Variants in FBXO33 observed in about 807,000 individuals in gnomAD.
FBXO33 encodes F-box protein 33, also known as F-box only protein 33.
A neutral mutation model predicts 46.3 loss-of-function variants in FBXO33; 22 were observed. The ratio of observed to expected loss-of-function variants is 0.48; its 90% CI spans 0.34 to 0.68. The LOEUF (loss-of-function observed/expected upper bound fraction) is 0.68, where lower values mean the gene tolerates loss of function less well. Ranked by LOEUF, FBXO33 falls within the 30% of genes least tolerant of loss-of-function variation. FBXO33 has a pLI of 0.01. For synonymous variants in FBXO33, 337 were observed against 291.3 expected, an observed-to-expected ratio of 1.16 and a Z score of -1.60; for missense variants, 692 against 708.8, an observed-to-expected ratio of 0.98 and a Z score of 0.27.
chr14:39,400,365 G>A (rs889581109), intron 3 of FBXO33, among the ~76,000 whole-genome samples: 8 of 152,076 alleles, frequency 5.3e-5, no homozygotes, highest in Admixed American at 3.9e-4. Context: ...ATGAATACGG[G>A]GAGCTTTAGC....
intron 1 of FBXO33, among the ~76,000 whole-genome samples, chr14:39,404,221 C>A (rs1268406126): frequency 2.0e-5 from 3 of 152,134 alleles, no homozygotes; most frequent in South Asian, 2.1e-4. Context: ...ACTAGAGACA[C>A]AATAGTGATT....
Position 39,431,740 on chromosome 14 carries a change from A to G in FBXO33, c.423T>C (p.Val141=). The change falls in exon 1 of 4, where the codon GTT becomes GTC. Residue 141 remains valine (V), a synonymous_variant. Coordinates refer to ENST00000298097, the MANE Select transcript of FBXO33 (RefSeq NM_203301.4). ...KCGWFVRELR[V]EFAAENYLSG... is the part of the protein sequence containing the mutation. Reference sequence around the variant, plus strand: ...TCAGATAGTTCTCGGCGGCGAATTCAACACGCAGCTCTCGCACGAACCAGC... The same window carrying G: ...TCAGATAGTTCTCGGCGGCGAATTCGACACGCAGCTCTCGCACGAACCAGC... 1 of 1,613,084 alleles carries G rather than the reference A, an allele frequency of 6.2e-7. No individual in the cohort carries two copies. Among genetic ancestry groups the G allele is most frequent in the Non-Finnish European group, 8.5e-7 (1 of 1,179,972 alleles).
intron 1 of FBXO33, among the ~76,000 whole-genome samples, chr14:39,406,181 TAAAA>T (rs929453832): frequency 2.6e-5 from 4 of 151,660 alleles, no homozygotes; most frequent in Admixed American, 1.3e-4. Flanking sequence ...AAAAGAAAAA[TAAAA>T]AAAATTAAAG....
At chr14:39,410,307 T>G (rs2075416798) in intron 1 of FBXO33, among the ~76,000 whole-genome samples, 1 of 152,246 alleles carries the variant, frequency 6.6e-6, no homozygotes, top group South Asian at 2.1e-4. Context: ...AAGATTTTTA[T>G]CCATTCTGTT....
intron 3 of FBXO33, among the ~76,000 whole-genome samples, chr14:39,400,403 C>T (rs2075363294): frequency 6.6e-6 from 1 of 152,186 alleles, no homozygotes; most frequent in Admixed American, 6.5e-5. Flanking sequence ...TTTAAAAAGA[C>T]TGGCTTAAAT....
chr14:39,402,413 T>C lies in FBXO33; in HGVS notation c.698A>G (p.Lys233Arg), dbSNP rs1207950216. 3 of 1,565,852 alleles carry C rather than the reference T, an allele frequency of 1.9e-6. No homozygotes were observed. The highest frequency in any genetic ancestry group is 4.7e-5 in the East Asian group (2 of 42,790). The change falls in exon 2 of 4, where the codon AAA (lysine) becomes AGA (arginine). Residue 233 changes from lysine (K) to arginine (R), a missense_variant. By Grantham distance (26) the Lys-to-Arg change is conservative (BLOSUM62 2). Coordinates refer to ENST00000298097, the MANE Select transcript of FBXO33 (RefSeq NM_203301.4). ...CCATATAACTTACTGTTTAATTTTT[T>C]TGCCATCAGGGTCCACCTTGCTGAG... ...TYLSKVDPDG[K>R]KIKQIQQLFE...
chr14:39,431,422 T>C, intron 1 of FBXO33, 142 bp downstream of exon 1: 1 of 1,430,718 alleles, frequency 7.0e-7, no homozygotes, highest in Non-Finnish European at 9.4e-7. Flanking sequence ...GGAAACCGCC[T>C]AGTTAGAACC....
intron 1 of FBXO33, among the ~76,000 whole-genome samples, chr14:39,414,429 A>G (rs117432948): frequency 4.9e-4 from 75 of 152,314 alleles, no homozygotes; most frequent in Admixed American, 9.8e-4. Flanking sequence ...CTTTCTTATC[A>G]CTCATGTGAT....
intron 1 of FBXO33, among the ~76,000 whole-genome samples, chr14:39,410,833 T>C (rs1365003794): frequency 6.6e-6 from 1 of 152,096 alleles, no homozygotes; most frequent in Non-Finnish European, 1.5e-5. Flanking sequence ...CAGGAGTCTC[T>C]TATAATCTTA....
chr14:39,428,461 G>T (rs1300487818), intron 1 of FBXO33, among the ~76,000 whole-genome samples: 2 of 152,044 alleles, frequency 1.3e-5, no homozygotes, highest in Admixed American at 6.5e-5. Flanking sequence ...CGGCCTCCCA[G>T]AAAGTGCTGT....
At chr14:39,416,138 A>G (rs1212537706) in intron 1 of FBXO33, among the ~76,000 whole-genome samples, 1 of 152,094 alleles carries the variant, frequency 6.6e-6, no homozygotes, top group Non-Finnish European at 1.5e-5. Flanking sequence ...TCCCATTAGC[A>G]TTTCTTGTAA....
chr14:39,401,468 G>A lies in FBXO33; in HGVS notation c.1104C>T (p.Thr368=). ...EHWKALSRKS[T]SFRVYIMAFD... Reference sequence around the variant, plus strand: ...AAGCCATTATATAGACCCGAAAGCTGGTGCTCTTTCGTGACAGGGCTTTCC... The same window carrying A: ...AAGCCATTATATAGACCCGAAAGCTAGTGCTCTTTCGTGACAGGGCTTTCC... Residue 368 remains threonine (T), a synonymous_variant, in exon 3 of 4, where the codon ACC becomes ACT. Transcript: ENST00000298097. 6.2e-7 allele frequency: 1 copy of A among 1,614,106 alleles called. No homozygotes were observed. Among genetic ancestry groups the A allele is most frequent in the Non-Finnish European group, 8.5e-7 (1 of 1,180,014 alleles).
intron 1 of FBXO33, among the ~76,000 whole-genome samples, chr14:39,408,641 T>C (rs2075409197): frequency 1.3e-5 from 2 of 150,630 alleles, no homozygotes; most frequent in Admixed American, 1.3e-4. Context: ...GCCTCCCAAG[T>C]AGCTGGGATT....
intron 3 of FBXO33, among the ~76,000 whole-genome samples, chr14:39,400,838 G>A (rs1246296906): frequency 2.0e-5 from 3 of 152,092 alleles, no homozygotes; most frequent in Non-Finnish European, 2.9e-5. Flanking sequence ...CTCTTCCCCC[G>A]CACTATGTTT....
chr14:39,399,796 T>TAAAC lies in FBXO33; in HGVS notation c.1397-13_1397-10dup. 1 of 1,537,218 alleles carries TAAAC rather than the reference T, an allele frequency of 6.5e-7. No individual in the cohort carries two copies. Among genetic ancestry groups the TAAAC allele is most frequent in the Non-Finnish European group, 8.8e-7 (1 of 1,133,898 alleles). ...TGCCCACACCGTGTAACCTGAAAAA[T>TAAAC]AAACAAAAGACAACACTGTAATTTC... On this transcript the variant is annotated splice_polypyrimidine_tract_variant and intron_variant, in intron 3 of 3. Transcript: ENST00000298097.
chr14:39,426,009 TTACCATCCCCTAATCTAAGAATAAC>T (rs1273212534), intron 1 of FBXO33, among the ~76,000 whole-genome samples: 1 of 152,088 alleles, frequency 6.6e-6, no homozygotes, highest in Non-Finnish European at 1.5e-5. Context: ...CATCTAAGAA[TTACCATCCCCTAATCTAAGAATAAC>T]TACCATCCCC....
At chr14:39,426,223 G>C (rs990229796) in intron 1 of FBXO33, among the ~76,000 whole-genome samples, 1 of 151,286 alleles carries the variant, frequency 6.6e-6, no homozygotes, top group East Asian at 1.9e-4. Flanking sequence ...CAAGAAAATC[G>C]AGTGAGAAAG....
intron 1 of FBXO33, among the ~76,000 whole-genome samples, chr14:39,409,880 T>C (rs1188229137): frequency 1.3e-5 from 2 of 152,242 alleles, no homozygotes; most frequent in South Asian, 2.1e-4. Flanking sequence ...CAACTGATTT[T>C]TGTATGTTGG....
chr14:39,421,313 TC>T (rs2075482074), intron 1 of FBXO33, among the ~76,000 whole-genome samples: 1 of 152,172 alleles, frequency 6.6e-6, no homozygotes, highest in African/African-American at 2.4e-5. Flanking sequence ...CTTTTTTTGT[TC>T]ACCTTAAGGA....
Sources: allele counts gnomAD v4.1 joint callset (sites outside exome capture counted in the v4.1 genomes callset), GRCh38; gene constraint gnomAD v4.1.1; transcripts MANE v1.5; gene names NCBI Gene and HGNC (gene_info 2026-07-23, HGNC 2026-07-21).